The following BBS9 variants were observed in gnomAD, a reference collection of about 807,000 sequenced individuals.
The protein encoded by BBS9 is Bardet-Biedl syndrome 9.
BBS9 carries 89 observed loss-of-function variants against 117.7 expected under a neutral mutation model. The ratio of observed to expected loss-of-function variants is 0.76; its 90% CI spans 0.64 to 0.90. The LOEUF (loss-of-function observed/expected upper bound fraction) is 0.90. BBS9 is among the 40% of genes least tolerant of loss of function. The pLI, the probability that BBS9 is intolerant of heterozygous loss-of-function variation, is 0.00. For synonymous variants in BBS9, 379 were observed against 370.9 expected, an observed-to-expected ratio of 1.02 and a Z score of -0.25; for missense variants, 982 against 1,042.2, an observed-to-expected ratio of 0.94 and a Z score of 0.80.
At chr7:33,253,757 C>A (rs547776865) in intron 5 of BBS9, among the ~76,000 whole-genome samples, 1 of 152,176 alleles carries the variant, frequency 6.6e-6, no homozygotes, top group Non-Finnish European at 1.5e-5. Context: ...TACCATGATG[C>A]TACAAAGAGG....
intron 18 of BBS9, 55 bp from the exon 19 acceptor site, chr7:33,387,937 T>C: frequency 6.4e-7 from 1 of 1,570,350 alleles, no homozygotes; most frequent in Non-Finnish European, 8.8e-7. Flanking sequence ...TATTTTTTCT[T>C]TAAAGATGTT....
chr7:33,364,710 A>C (rs1302742906), intron 16 of BBS9, among the ~76,000 whole-genome samples: 6 of 87,752 alleles, frequency 6.8e-5, no homozygotes, highest in Middle Eastern at 6.3e-3. Context: ...CTTTTCTCCC[A>C]TCCTGTCCTC....
intron 19 of BBS9, among the ~76,000 whole-genome samples, chr7:33,486,665 C>T (rs1351654972): frequency 6.6e-6 from 1 of 152,168 alleles, no homozygotes; most frequent in Non-Finnish European, 1.5e-5. Context: ...TCTTTCCTGA[C>T]CCAAACTGGA....
Position 33,518,618 on chromosome 7 carries a change from G to C in BBS9, c.2298+12973G>C, listed in dbSNP as rs545631774. On this transcript the variant is annotated intron_variant, in intron 20 of 22. Transcript: ENST00000242067. ...GATCCATATCTGATTCACCTTTTTG[G>C]AAGAAAAAAACCCCCCATAGTATTT... Among the ~76,000 whole-genome samples, 18 of 151,888 alleles carry C rather than the reference G, an allele frequency of 1.2e-4. No homozygotes were observed. In the East Asian group the frequency reaches 3.5e-3, roughly 29 times the overall value.
chr7:33,443,543 TTG>T (rs1174903369), intron 19 of BBS9, among the ~76,000 whole-genome samples: 2 of 152,200 alleles, frequency 1.3e-5, no homozygotes, highest in Non-Finnish European at 2.9e-5. Flanking sequence ...GCATGTAAAA[TTG>T]TTTGATCAGT....
intron 9 of BBS9, among the ~76,000 whole-genome samples, chr7:33,323,038 A>G (rs970879350): frequency 6.6e-6 from 1 of 152,140 alleles, no homozygotes; most frequent in Non-Finnish European, 1.5e-5. Context: ...GTGTTTACAT[A>G]GTTTCCAAAA....
intron 19 of BBS9, among the ~76,000 whole-genome samples, chr7:33,448,622 A>T (rs916163766): frequency 6.6e-6 from 1 of 152,244 alleles, no homozygotes; most frequent in Non-Finnish European, 1.5e-5. Context: ...TACCATTGAA[A>T]TGATATGTTA....
chr7:33,374,492 C>T (rs1435048167), intron 17 of BBS9, among the ~76,000 whole-genome samples: 1 of 152,134 alleles, frequency 6.6e-6, no homozygotes, highest in East Asian at 1.9e-4. Context: ...GCAATATTAT[C>T]AAGTGACAAT....
intron 4 of BBS9, among the ~76,000 whole-genome samples, chr7:33,176,319 C>T (rs1017451146): frequency 5.3e-5 from 8 of 152,038 alleles, no homozygotes; most frequent in South Asian, 2.1e-4. Context: ...TTACTGGGTG[C>T]GAGGACCACA....
chr7:33,216,940 A>G (rs1273168723), intron 5 of BBS9, among the ~76,000 whole-genome samples: 2 of 151,918 alleles, frequency 1.3e-5, no homozygotes, highest in South Asian at 4.1e-4. Flanking sequence ...TAAAAATACA[A>G]AAAAAATGAG....
intron 19 of BBS9, among the ~76,000 whole-genome samples, chr7:33,440,824 C>T (rs1206284318): frequency 6.6e-6 from 1 of 152,010 alleles, no homozygotes; most frequent in Admixed American, 6.6e-5. Flanking sequence ...TGCCATTTAG[C>T]AGTGATATAA....
intron 19 of BBS9, among the ~76,000 whole-genome samples, chr7:33,461,511 C>T (rs981258341): frequency 1.3e-5 from 2 of 151,752 alleles, no homozygotes; most frequent in African/African-American, 4.8e-5. Context: ...ATATTCATCT[C>T]AGGAGAGTTT....
intron 19 of BBS9, among the ~76,000 whole-genome samples, chr7:33,499,598 A>G (rs1007675882): frequency 1.3e-5 from 2 of 152,210 alleles, no homozygotes; most frequent in Non-Finnish European, 1.5e-5. Context: ...TTAGTTTCAC[A>G]TATTGCACAT....
chr7:33,531,858 C>T (rs1424029155), intron 20 of BBS9, among the ~76,000 whole-genome samples: 2 of 152,176 alleles, frequency 1.3e-5, no homozygotes, highest in Non-Finnish European at 1.5e-5. Context: ...CAGATGGTTG[C>T]CGTTGTATAA....
At position 33,336,535 on chromosome 7, in the gene BBS9, G is replaced by A. The variant is rs1366355966; in HGVS notation, c.1111G>A (p.Val371Ile). 4.6e-5 allele frequency: 75 copies of A among 1,613,204 alleles called. No individual in the cohort carries two copies. The Middle Eastern group carries it at 8.2e-4, about 18-fold the overall frequency. The change falls in exon 10 of 23, where the codon GTT becomes ATT. Residue 371 changes from valine to isoleucine, a missense_variant. Val to Ile is a conservative substitution (Grantham distance 29). Transcript: ENST00000242067. ...TDPSLFQAPNVQSRELNYDEL... is the reference protein window; with the variant it reads ...TDPSLFQAPNIQSRELNYDEL... Reference sequence around the variant, plus strand: ...TCCTTCTCTGTTCCAAGCTCCAAACGTTCAATCTCGAGAACTAAACTATGA... The same window carrying A: ...TCCTTCTCTGTTCCAAGCTCCAAACATTCAATCTCGAGAACTAAACTATGA...
At chr7:33,288,284 A>G (rs954652547) in intron 9 of BBS9, among the ~76,000 whole-genome samples, 5 of 152,082 alleles carry the variant, frequency 3.3e-5, no homozygotes, top group African/African-American at 1.2e-4. Context: ...TGCTTATTAA[A>G]CTTTTGCTCT....
chr7:33,219,883 C>T (rs971110500), intron 5 of BBS9, among the ~76,000 whole-genome samples: 1 of 152,180 alleles, frequency 6.6e-6, no homozygotes, highest in Non-Finnish European at 1.5e-5. Context: ...TGCTACTGCT[C>T]ACTCTTTGGG....
intron 21 of BBS9, among the ~76,000 whole-genome samples, chr7:33,629,864 C>G (rs1005850033): frequency 6.6e-6 from 1 of 152,182 alleles, no homozygotes; most frequent in South Asian, 2.1e-4. Flanking sequence ...ATTACACTTG[C>G]TACTGTGGTT....
intron 21 of BBS9, among the ~76,000 whole-genome samples, chr7:33,614,405 A>G (rs947900363): frequency 2.0e-5 from 3 of 152,048 alleles, no homozygotes; most frequent in Non-Finnish European, 4.4e-5. Flanking sequence ...ATACATTTTT[A>G]AAATTCCGTC....
Sources: gnomAD v4.1 joint callset for allele counts (sites outside exome capture counted in the v4.1 genomes callset) on GRCh38, gnomAD v4.1.1 for gene constraint, MANE v1.5 for transcripts, NCBI Gene and HGNC (gene_info 2026-07-23, HGNC 2026-07-21) for gene names.